Variants in LRRC49 observed in about 807,000 individuals in gnomAD.
LRRC49 encodes leucine rich repeat containing 49, also known as leucine-rich repeat-containing protein 49.
In LRRC49, 50 loss-of-function variants were observed where a neutral mutation model predicts 83.3. The ratio of observed to expected loss-of-function variants is 0.60; its 90% CI spans 0.48 to 0.76. The LOEUF (loss-of-function observed/expected upper bound fraction) is 0.76. Among genes scored for constraint, LRRC49 ranks in the 30% least tolerant of loss-of-function variants. LRRC49 has a pLI of 0.00. For synonymous variants in LRRC49, 286 were observed against 283.3 expected, an observed-to-expected ratio of 1.01 and a Z score of -0.10; for missense variants, 704 against 809.1, an observed-to-expected ratio of 0.87 and a Z score of 1.58.
chr15:71,014,470 G>A (rs1003703627), intron 14 of LRRC49, among the ~76,000 whole-genome samples: 2 of 152,016 alleles, frequency 1.3e-5, no homozygotes, highest in African/African-American at 4.8e-5. Flanking sequence ...GGAAAAAAAA[G>A]CATTTGGGTT....
chr15:70,876,480 C>T (rs1412568106), intron 2 of LRRC49, among the ~76,000 whole-genome samples: 2 of 152,108 alleles, frequency 1.3e-5, no homozygotes, highest in Non-Finnish European at 2.9e-5. Flanking sequence ...TGGTAGTATG[C>T]AGTGACATTT....
At chr15:70,931,555 A>C (rs1268482646) in intron 7 of LRRC49, among the ~76,000 whole-genome samples, 1 of 152,252 alleles carries the variant, frequency 6.6e-6, no homozygotes. Flanking sequence ...AATTTAAAAA[A>C]AAGCACAATA....
At chr15:70,945,422 C>T (rs981176321) in intron 8 of LRRC49, among the ~76,000 whole-genome samples, 1 of 151,924 alleles carries the variant, frequency 6.6e-6, no homozygotes, top group African/African-American at 2.4e-5. Context: ...TTCAAATTGT[C>T]ATGATTGTAT....
At chr15:70,921,057 T>A (rs1022815920) in intron 7 of LRRC49, among the ~76,000 whole-genome samples, 1 of 152,160 alleles carries the variant, frequency 6.6e-6, no homozygotes, top group African/African-American at 2.4e-5. Flanking sequence ...AGGACCATGT[T>A]AAGGAGTATC....
chr15:70,891,720 C>G, upstream of LRRC49: 1 of 883,574 alleles, frequency 1.1e-6, no homozygotes, highest in Non-Finnish European at 1.7e-6. Flanking sequence ...AAGCACACCC[C>G]TAACTTTGCA....
At chr15:71,013,462 C>CAT (rs2038725269) in intron 14 of LRRC49, among the ~76,000 whole-genome samples, 1 of 152,162 alleles carries the variant, frequency 6.6e-6, no homozygotes, top group South Asian at 2.1e-4. Flanking sequence ...CACAAGCAAT[C>CAT]ATATAATTGG....
chr15:70,991,128 T>G lies in LRRC49; in HGVS notation c.1169+6871T>G, dbSNP rs544770993. Among the ~76,000 whole-genome samples the G allele has an allele frequency of 1.0e-3, 153 of 152,336 alleles. 1 individual carries two copies. The highest frequency in any genetic ancestry group is 5.0e-3 in the Admixed American group (76 of 15,294). Reference sequence around the variant, plus strand: ...GTTACTCCAGCTGTGATCTATACTATCTGTCTATTCCAGTGGCTCACAACC... The same window carrying G: ...GTTACTCCAGCTGTGATCTATACTAGCTGTCTATTCCAGTGGCTCACAACC... On this transcript the variant is annotated intron_variant, in intron 11 of 15. Coordinates refer to ENST00000260382, the MANE Select transcript of LRRC49 (RefSeq NM_017691.5).
At chr15:70,934,986 C>T (rs888330712) in intron 7 of LRRC49, among the ~76,000 whole-genome samples, 1 of 152,090 alleles carries the variant, frequency 6.6e-6, no homozygotes, top group African/African-American at 2.4e-5. Context: ...GAAACTAGGG[C>T]CCTGGAGTGA....
At chr15:70,919,246 T>A in intron 7 of LRRC49, 53 bp downstream of exon 7, 7 of 1,453,858 alleles carry the variant, frequency 4.8e-6, no homozygotes, top group Non-Finnish European at 6.5e-6. Context: ...TTCAAGGAAT[T>A]GAAACAAATG....
chr15:70,920,300 A>G (rs538011811), intron 7 of LRRC49, among the ~76,000 whole-genome samples: 1 of 152,204 alleles, frequency 6.6e-6, no homozygotes, highest in Non-Finnish European at 1.5e-5. Flanking sequence ...TTTCCCAGAA[A>G]ATATGAGTCA....
In LRRC49 at chr15:70,981,366, G is replaced by A. The variant is rs186037294; in HGVS notation, c.1005+1182G>A. 6.0e-3 allele frequency among the ~76,000 whole-genome samples: 903 copies of A among 151,298 alleles called. 9 individuals are homozygous for A. The highest frequency in any genetic ancestry group is 0.017 in the African/African-American group (703 of 41,186). ...TTGGAGGGTGGGGGGGCTAGGGGAC[G>A]GATAGCATTAGGAGAAATACCTAAT... On this transcript the variant is annotated intron_variant, in intron 10 of 15. Coordinates refer to ENST00000260382, the MANE Select transcript of LRRC49 (RefSeq NM_017691.5).
chr15:70,945,448 T>C lies in LRRC49; in HGVS notation c.773+8626T>C, dbSNP rs143692777. ...ATGATTGTATATCATCTCTGCCATTTACCTGTCTGGTACTTAAAGAATATG... is the reference window on the plus strand; with the variant it reads ...ATGATTGTATATCATCTCTGCCATTCACCTGTCTGGTACTTAAAGAATATG... On this transcript the variant is annotated intron_variant, in intron 8 of 15. Coordinates refer to ENST00000260382, the MANE Select transcript of LRRC49 (RefSeq NM_017691.5). Among the ~76,000 whole-genome samples the C allele has an allele frequency of 2.4e-3, 364 of 152,208 alleles. 2 individuals are homozygous for C. The highest frequency in any genetic ancestry group is 8.6e-3 in the African/African-American group (356 of 41,542).
intron 7 of LRRC49, among the ~76,000 whole-genome samples, chr15:70,928,840 C>T (rs1204635219): frequency 6.6e-6 from 1 of 152,196 alleles, no homozygotes; most frequent in Non-Finnish European, 1.5e-5. Flanking sequence ...ATTGGGATTA[C>T]AGGCATGAGC....
chr15:70,905,484 A>G (rs964081884), intron 5 of LRRC49, among the ~76,000 whole-genome samples: 1 of 152,134 alleles, frequency 6.6e-6, no homozygotes, highest in Non-Finnish European at 1.5e-5. Flanking sequence ...GTTGCAGGAA[A>G]AAAAAGTATT....
intron 14 of LRRC49, among the ~76,000 whole-genome samples, chr15:71,023,176 A>G (rs893431581): frequency 6.6e-6 from 1 of 152,208 alleles, no homozygotes; most frequent in Non-Finnish European, 1.5e-5. Flanking sequence ...CAGCCTTGCA[A>G]TGGGTATAGT....
intron 1 of LRRC49, chr15:70,859,266 A>C (rs1370147577): frequency 5.7e-6 from 5 of 869,878 alleles, no homozygotes; most frequent in Non-Finnish European, 1.0e-5. Context: ...GAGATCAATA[A>C]GCGTACAGAG....
chr15:70,898,876 A>ATATACCCACATATATATGTGGATATTTG (rs534311567), intron 3 of LRRC49, among the ~76,000 whole-genome samples: 68 of 152,246 alleles, frequency 4.5e-4, no homozygotes, highest in African/African-American at 1.2e-3. Flanking sequence ...GTGGGTATTT[A>ATATACCCACATATATATGTGGATATTTG]TATACCCACA....
chr15:70,914,288 A>C (rs1320481920), intron 6 of LRRC49, among the ~76,000 whole-genome samples: 1 of 152,200 alleles, frequency 6.6e-6, no homozygotes, highest in Non-Finnish European at 1.5e-5. Context: ...TTAGCATCTT[A>C]TAGTAAAGAA....
At chr15:70,961,360 C>T (rs908139389) in intron 8 of LRRC49, among the ~76,000 whole-genome samples, 36 of 152,172 alleles carry the variant, frequency 2.4e-4, no homozygotes, top group African/African-American at 8.0e-4. Flanking sequence ...CTAAAATAAA[C>T]ATAGTCTTAC....
Sources: gnomAD v4.1 joint callset for allele counts (sites outside exome capture counted in the v4.1 genomes callset) on GRCh38, gnomAD v4.1.1 for gene constraint, MANE v1.5 for transcripts, NCBI Gene and HGNC (gene_info 2026-07-23, HGNC 2026-07-21) for gene names.